Variants in C8orf74 observed in about 807,000 individuals in gnomAD.
The protein encoded by C8orf74 is uncharacterized protein C8orf74.
A neutral mutation model predicts 22.2 loss-of-function variants in C8orf74; 29 were observed. The observed-to-expected ratio is 1.31, with a 90% CI of 0.97 to 1.78. The LOEUF (loss-of-function observed/expected upper bound fraction) is 1.78, where lower values mean the gene tolerates loss of function less well. Ranked by LOEUF, C8orf74 falls within the 40% of genes most tolerant of loss-of-function variation. The pLI is 0.00. For synonymous variants in C8orf74, 255 were observed against 163.1 expected, an observed-to-expected ratio of 1.56 and a Z score of -4.30; for missense variants, 515 against 369.9, an observed-to-expected ratio of 1.39 and a Z score of -3.22.
At chr8:10,698,810 G>A (rs1005302936) in intron 3 of C8orf74, among the ~76,000 whole-genome samples, 4 of 151,984 alleles carry the variant, frequency 2.6e-5, no homozygotes, top group African/African-American at 9.7e-5. Flanking sequence ...GGGAGTTGCA[G>A]GGCCTGTGAG....
chr8:10,695,550 A>T, intron 2 of C8orf74, among the ~76,000 whole-genome samples: 1 of 152,150 alleles, frequency 6.6e-6, no homozygotes, highest in East Asian at 1.9e-4. Flanking sequence ...TCCCAAGACC[A>T]TGATGTCTCC....
At chr8:10,696,250 G>C (rs1477203880) in intron 2 of C8orf74, among the ~76,000 whole-genome samples, 2 of 151,946 alleles carry the variant, frequency 1.3e-5, no homozygotes, top group African/African-American at 2.4e-5. Flanking sequence ...GAGAGGAGGA[G>C]AGAAGTGGGG....
At chr8:10,696,005 C>T (rs954909753) in intron 2 of C8orf74, among the ~76,000 whole-genome samples, 2 of 152,136 alleles carry the variant, frequency 1.3e-5, no homozygotes, top group African/African-American at 2.4e-5. Context: ...ATTTCCAGGA[C>T]GGTGTCTGCG....
intron 3 of C8orf74, among the ~76,000 whole-genome samples, chr8:10,698,908 C>CAT (rs1799591429): frequency 9.7e-6 from 1 of 103,514 alleles, no homozygotes; most frequent in Non-Finnish European, 1.9e-5. Context: ...ACACCACACA[C>CAT]ACACACACAC....
chr8:10,685,018 C>T (rs200004712), intron 2 of C8orf74, among the ~76,000 whole-genome samples: 19 of 152,328 alleles, frequency 1.2e-4, no homozygotes, highest in East Asian at 1.2e-3. Context: ...CCACAGGGGG[C>T]GGAGCAAGAT....
intron 2 of C8orf74, among the ~76,000 whole-genome samples, chr8:10,682,364 C>T (rs1015124287): frequency 9.9e-5 from 15 of 152,210 alleles, no homozygotes; most frequent in African/African-American, 3.1e-4. Context: ...TGCACAGAAC[C>T]ATGGACTGTG....
Position 10,697,821 on chromosome 8 carries a change from A to G in C8orf74, c.464A>G (p.Glu155Gly), listed in dbSNP as rs952871734. 3.7e-6 allele frequency: 6 copies of G among 1,613,840 alleles called. No homozygotes were observed. The African/African-American group carries it at 6.7e-5, about 18-fold the overall frequency. Residue 155 changes from glutamate to glycine, a missense_variant, in exon 3 of 4, where the codon GAG (glutamate) becomes GGG (glycine). Glu to Gly is a moderately conservative substitution (Grantham distance 98). Coordinates refer to ENST00000304519, the MANE Select transcript of C8orf74 (RefSeq NM_001040032.2). ...CMPPHPLPLA[E>G]GMDRDLWIHE... Reference sequence around the variant, plus strand: ...CCACCCCATCCCCTCCCGCTGGCCGAGGGCATGGACAGGGACTTGTGGATC... The same window carrying G: ...CCACCCCATCCCCTCCCGCTGGCCGGGGGCATGGACAGGGACTTGTGGATC...
At chr8:10,678,542 C>G (rs1224052257) in intron 2 of C8orf74, among the ~76,000 whole-genome samples, 1 of 151,872 alleles carries the variant, frequency 6.6e-6, no homozygotes, top group Non-Finnish European at 1.5e-5. Flanking sequence ...CCCAGTGACC[C>G]TGCACTGCAG....
intron 2 of C8orf74, among the ~76,000 whole-genome samples, chr8:10,682,327 C>T (rs2129056929): frequency 6.6e-6 from 1 of 152,302 alleles, no homozygotes; most frequent in African/African-American, 2.4e-5. Context: ...TAGATGCCTC[C>T]GTGCAGTATT....
chr8:10,695,743 GA>G (rs1799482809), intron 2 of C8orf74, among the ~76,000 whole-genome samples: 1 of 152,170 alleles, frequency 6.6e-6, no homozygotes, highest in African/African-American at 2.4e-5. Flanking sequence ...TGGGGGTGGG[GA>G]AACCGCATAG....
In C8orf74 at chr8:10,697,631, G is replaced by C. The variant is rs1799551742; in HGVS notation, c.274G>C (p.Gly92Arg). 2 of 1,613,920 alleles carry C rather than the reference G, an allele frequency of 1.2e-6. No individual in the cohort carries two copies. The highest frequency in any genetic ancestry group is 1.7e-6 in the Non-Finnish European group (2 of 1,179,874). ...CATTACTGAGGCTGTGACGATCCTG[G>C]GGAACAAGCTTAGAGATTACCGGGG... ...CSITEAVTIL[G>R]NKLRDYRGHF... The change falls in exon 3 of 4, where the codon GGG (glycine) becomes CGG (arginine). Residue 92 changes from glycine (G) to arginine (R), a missense_variant. Coordinates refer to ENST00000304519, the MANE Select transcript of C8orf74 (RefSeq NM_001040032.2).
At chr8:10,696,163 A>C (rs1799492777) in intron 2 of C8orf74, among the ~76,000 whole-genome samples, 2 of 151,996 alleles carry the variant, frequency 1.3e-5, no homozygotes, top group Non-Finnish European at 2.9e-5. Flanking sequence ...TCAAGACCCA[A>C]GCAGATGATG....
intron 2 of C8orf74, chr8:10,692,035 G>C (rs1799392451): frequency 6.6e-6 from 1 of 152,500 alleles, no homozygotes; most frequent in African/African-American, 2.4e-5. Context: ...CTCCAGCCTG[G>C]TGCCCCCGAC....
intron 2 of C8orf74, among the ~76,000 whole-genome samples, chr8:10,685,123 C>T (rs995723429): frequency 3.9e-5 from 6 of 152,334 alleles, no homozygotes; most frequent in Admixed American, 2.6e-4. Flanking sequence ...TTTTGGACTA[C>T]GGTTGACCAC....
intron 1 of C8orf74, among the ~76,000 whole-genome samples, chr8:10,673,063 G>A (rs1385974661): frequency 6.6e-6 from 1 of 152,112 alleles, no homozygotes; most frequent in Non-Finnish European, 1.5e-5. Flanking sequence ...AGGGGGTGCT[G>A]TCTAGATTAG....
At chr8:10,685,162 T>C (rs1180551349) in intron 2 of C8orf74, among the ~76,000 whole-genome samples, 1 of 152,204 alleles carries the variant, frequency 6.6e-6, no homozygotes, top group Non-Finnish European at 1.5e-5. Context: ...AAACTGGAGC[T>C]ACAGTTAAGG....
chr8:10,679,023 C>T (rs946008948), intron 2 of C8orf74, among the ~76,000 whole-genome samples: 3 of 152,208 alleles, frequency 2.0e-5, no homozygotes, highest in Non-Finnish European at 2.9e-5. Flanking sequence ...CACTGACAAA[C>T]GCTGCCGTCA....
chr8:10,689,113 TG>T (rs747602451), intron 2 of C8orf74: 2 of 152,188 alleles, frequency 1.3e-5, no homozygotes, highest in Non-Finnish European at 2.9e-5. Context: ...GCACCAGGGC[TG>T]GGGCAATGAA....
intron 3 of C8orf74, 47 bp from the exon 4 acceptor site, chr8:10,700,188 G>C (rs746759282): frequency 1.0e-5 from 13 of 1,277,566 alleles, no homozygotes. Context: ...AACTGGATCC[G>C]GCGAGGCTCC....
Sources: gnomAD v4.1 joint callset for allele counts (sites outside exome capture counted in the v4.1 genomes callset) on GRCh38, gnomAD v4.1.1 for gene constraint, MANE v1.5 for transcripts, NCBI Gene and HGNC (gene_info 2026-07-23, HGNC 2026-07-21) for gene names.